Variants in MACROD2 observed in about 807,000 individuals in gnomAD.
MACROD2 encodes ADP-ribose glycohydrolase MACROD2.
MACROD2 carries 36 observed loss-of-function variants against 70.4 expected under a neutral mutation model. The observed-to-expected ratio is 0.51, with a 90% CI of 0.39 to 0.68. The LOEUF (loss-of-function observed/expected upper bound fraction) is 0.68. Ranked by LOEUF, MACROD2 falls within the 30% of genes least tolerant of loss-of-function variation. The pLI is 0.00. For missense variants in MACROD2, 496 were observed against 538.4 expected (o/e 0.92, Z 0.78); for synonymous variants, 172 against 178.8 (o/e 0.96, Z 0.30).
chr20:15,042,818 C>A (rs897908004), intron 5 of MACROD2, among the ~76,000 whole-genome samples: 41 of 152,248 alleles, frequency 2.7e-4, no homozygotes, highest in African/African-American at 9.9e-4. Flanking sequence ...TTGTATCTTG[C>A]AAATTTAGAG....
chr20:14,814,308 G>A (rs533150995), intron 5 of MACROD2, among the ~76,000 whole-genome samples: 23 of 152,110 alleles, frequency 1.5e-4, no homozygotes, highest in African/African-American at 5.1e-4. Context: ...GTCACAGCCA[G>A]GAGCCACATA....
chr20:15,198,857 G>A lies in MACROD2; in HGVS notation c.419-31083G>A, dbSNP rs569610285. On this transcript the variant is annotated intron_variant, in intron 5 of 17. Coordinates refer to ENST00000684519, the MANE Select transcript of MACROD2 (RefSeq NM_001351661.2). The stretch of plus-strand genomic sequence containing the variant: ...AGGCTCTTGACATGTGACTCCACCA[G>A]TGCTTATGTGTGCTTATCTCATGGC... Among the ~76,000 whole-genome samples, 51 of 152,302 alleles carry A rather than the reference G, an allele frequency of 3.3e-4. 2 individuals are homozygous for A. The South Asian group carries it at 0.011, about 32-fold the overall frequency.
At chr20:15,348,547 G>A (rs573546651) in intron 6 of MACROD2, among the ~76,000 whole-genome samples, 36 of 152,240 alleles carry the variant, frequency 2.4e-4, no homozygotes, top group African/African-American at 7.2e-4. Context: ...TAATAAAGAC[G>A]TACTCAAAAC....
chr20:15,604,764 A>G (rs6034227), intron 8 of MACROD2, among the ~76,000 whole-genome samples: 23,548 of 152,152 alleles, frequency 0.15, 3,104 homozygotes, highest in African/African-American at 0.36. Flanking sequence ...TGACACAGCA[A>G]AGTCTGTGCT....
At chr20:14,645,841 C>A (rs1189823550) in intron 4 of MACROD2, among the ~76,000 whole-genome samples, 1 of 151,810 alleles carries the variant, frequency 6.6e-6, no homozygotes, top group Non-Finnish European at 1.5e-5. Flanking sequence ...TATTTTAATG[C>A]CATTACACAG....
chr20:14,548,244 A>G (rs1978397660), intron 4 of MACROD2, among the ~76,000 whole-genome samples: 1 of 152,134 alleles, frequency 6.6e-6, no homozygotes, highest in South Asian at 2.1e-4. Context: ...GAATCAGAGT[A>G]TGAAAAATAT....
chr20:14,856,437 A>G (rs2073256392), intron 5 of MACROD2, among the ~76,000 whole-genome samples: 1 of 152,212 alleles, frequency 6.6e-6, no homozygotes, highest in South Asian at 2.1e-4. Flanking sequence ...TTTAGCTAGA[A>G]CTATGCATAC....
intron 12 of MACROD2, among the ~76,000 whole-genome samples, chr20:15,940,754 T>A (rs777533336): frequency 3.3e-5 from 5 of 152,212 alleles, no homozygotes; most frequent in Admixed American, 6.5e-5. Context: ...TGATGTCAAA[T>A]ACCCACATAG....
intron 5 of MACROD2, among the ~76,000 whole-genome samples, chr20:15,021,106 G>C (rs376689831): frequency 1.0e-5 from 1 of 99,480 alleles, no homozygotes; most frequent in African/African-American, 4.4e-5. Context: ...GTGTATACAC[G>C]TGTATGTGTA....
intron 3 of MACROD2, among the ~76,000 whole-genome samples, chr20:14,458,901 A>G (rs1323778323): frequency 6.6e-6 from 1 of 152,032 alleles, no homozygotes; most frequent in Non-Finnish European, 1.5e-5. Context: ...GTTTTACTGT[A>G]TGTTCTTTTC....
chr20:15,047,928 G>A (rs2075407810), intron 5 of MACROD2, among the ~76,000 whole-genome samples: 1 of 152,112 alleles, frequency 6.6e-6, no homozygotes, highest in African/African-American at 2.4e-5. Flanking sequence ...ACAGAGTTTA[G>A]CCACCTGTCA....
intron 3 of MACROD2, among the ~76,000 whole-genome samples, chr20:14,423,755 A>ATTTTTTTTTTTTTTTTTTTT (rs1165796772): frequency 3.2e-5 from 2 of 63,088 alleles, no homozygotes; most frequent in Non-Finnish European, 5.6e-5. Context: ...GACATCTTAA[A>ATTTTTTTTTTTTTTTTTTTT]TTTTTTTTTT....
At chr20:15,832,173 T>A (rs1568585998) in intron 8 of MACROD2, among the ~76,000 whole-genome samples, 1 of 152,108 alleles carries the variant, frequency 6.6e-6, no homozygotes, top group Non-Finnish European at 1.5e-5. Context: ...GCATTTTAAT[T>A]TTTTTTGCAG....
intron 3 of MACROD2, among the ~76,000 whole-genome samples, chr20:14,233,847 T>C (rs2081844322): frequency 6.6e-6 from 1 of 151,888 alleles, no homozygotes; most frequent in South Asian, 2.1e-4. Flanking sequence ...TATGACATTA[T>C]GGAAAAGGCA....
chr20:14,045,934 A>G (rs768943552), intron 2 of MACROD2, among the ~76,000 whole-genome samples: 3 of 152,248 alleles, frequency 2.0e-5, no homozygotes, highest in African/African-American at 4.8e-5. Flanking sequence ...CAGAGAATTA[A>G]TTAACTTGAA....
intron 5 of MACROD2, among the ~76,000 whole-genome samples, chr20:14,954,754 A>T (rs375948557): frequency 4.3e-3 from 7 of 1,610 alleles, no homozygotes; most frequent in South Asian, 0.013. Flanking sequence ...TTATAAATAT[A>T]TAAATAAATT....
chr20:15,876,091 T>A lies in MACROD2; in HGVS notation c.728-9673T>A, dbSNP rs867484086. Among the ~76,000 whole-genome samples, 264 of 33,040 alleles carry A rather than the reference T, an allele frequency of 8.0e-3. 1 individual carries two copies. Among genetic ancestry groups the A allele is most frequent in the African/African-American group, 0.018 (243 of 13,356 alleles). 21.7% of individuals were successfully genotyped at this position (33,040 alleles called of 152,430 possible). A position where few individuals can be genotyped will look rare whatever the true frequency, so the allele number is the denominator to read the frequency against. On this transcript the variant is annotated intron_variant, in intron 9 of 17. Transcript: ENST00000684519. ...ACTTTTATTGTCAGCTACATGTCTT[T>A]TATATATATATATATATATATGTGT...
chr20:14,637,419 T>C (rs1281677555), intron 4 of MACROD2, among the ~76,000 whole-genome samples: 1 of 152,226 alleles, frequency 6.6e-6, no homozygotes, highest in Non-Finnish European at 1.5e-5. Flanking sequence ...TTTATTATCA[T>C]TAAACTGCCT....
intron 8 of MACROD2, among the ~76,000 whole-genome samples, chr20:15,759,873 T>A (rs976857114): frequency 1.3e-5 from 2 of 152,212 alleles, no homozygotes; most frequent in African/African-American, 4.8e-5. Context: ...ACAGAACTCG[T>A]ACATGCATTT....
Sources: gnomAD v4.1 joint callset for allele counts (sites outside exome capture counted in the v4.1 genomes callset) on GRCh38, gnomAD v4.1.1 for gene constraint, MANE v1.5 for transcripts, NCBI Gene and HGNC (gene_info 2026-07-23, HGNC 2026-07-21) for gene names.